The following POTEC variants were observed in gnomAD, a reference collection of about 807,000 sequenced individuals.
POTEC encodes ANKRD26-like family B member 2.
Under a neutral mutation model 62.0 loss-of-function variants are expected in POTEC, and 35 were observed. The observed-to-expected ratio is 0.56, with a 90% CI of 0.43 to 0.75. The LOEUF is 0.75. Ranked by LOEUF, POTEC falls within the 30% of genes least tolerant of loss-of-function variation. POTEC has a pLI of 0.00. For synonymous variants in POTEC, 156 were observed against 221.5 expected, an observed-to-expected ratio of 0.70 and a Z score of 2.62; for missense variants, 472 against 655.9, an observed-to-expected ratio of 0.72 and a Z score of 3.06.
intron 8 of POTEC, 53 bp from the exon 9 acceptor site, chr18:14,522,473 A>G (rs1340627071): frequency 2.7e-6 from 4 of 1,469,040 alleles, no homozygotes; most frequent in Admixed American, 2.6e-5. Context: ...GAATAAAAAT[A>G]ACCTTTTTAA....
chr18:14,543,010 G>A lies in POTEC; in HGVS notation c.137C>T (p.Ser46Phe), dbSNP rs764710530. The A allele has an allele frequency of 1.9e-6, 3 of 1,611,514 alleles. No individual in the cohort carries two copies. The highest frequency in any genetic ancestry group is 2.7e-5 in the African/African-American group (2 of 74,114). The change falls in exon 1 of 11, where the codon TCT becomes TTT. Residue 46 changes from serine (S) to phenylalanine (F), a missense_variant. Ser to Phe is a radical substitution (Grantham distance 155, BLOSUM62 -2). This residue lies in a region of POTEC where 257 missense variants were observed against 250.7 expected (regional missense o/e 1.03). Coordinates refer to ENST00000358970, the MANE Select transcript of POTEC (RefSeq NM_001137671.2). ...KGSGKSNMGT[S>F]GDHDDSFMKM... ...CATAAAGGAGTCGTCGTGGTCTCCA[G>A]AAGTGCCCATGTTGCTCTTGCCGCT...
At position 14,543,354 on chromosome 18, in the gene POTEC, G is replaced by A. The variant is rs1320836370; in HGVS notation, c.-208C>T. The A allele has an allele frequency of 1.8e-5, 16 of 866,950 alleles. No homozygotes were observed. The highest frequency in any genetic ancestry group is 5.2e-6 in the Non-Finnish European group (3 of 572,788). The allele number at this position is 866,950 out of a possible 1,614,324, so 53.7% of individuals were successfully genotyped here. A position where few individuals can be genotyped will look rare whatever the true frequency, so the allele number is the denominator to read the frequency against. ...ACCCGGGGAAAGCCCACGCCCACCA[G>A]GGGGACCCAACGCCCACCCCAGGAA... On this transcript the variant is annotated 5_prime_UTR_variant, in exon 1 of 11. Coordinates refer to ENST00000358970, the MANE Select transcript of POTEC (RefSeq NM_001137671.2).
At position 14,543,125 on chromosome 18, in the gene POTEC, T is replaced by C. The variant is rs1303897831; in HGVS notation, c.22A>G (p.Met8Val). The change falls in exon 1 of 11, where the codon ATG becomes GTG. Residue 8 changes from methionine to valine, a missense_variant. Around this residue, in one of 5 missense-constraint regions of POTEC, gnomAD observed 257 missense variants for 250.7 expected, o/e 1.03. Transcript: ENST00000358970. ...TTCTTCACAGCAGAGGCAGCGGGCA[T>C]TGAACAAACCTCAGTCACCATCTGC... MVTEVCS[M>V]PAASAVKKPF... 3 of 1,613,880 alleles carry C rather than the reference T, an allele frequency of 1.9e-6. No homozygotes were observed. The highest frequency in any genetic ancestry group is 2.7e-5 in the African/African-American group (2 of 75,002).
chr18:14,535,439 C>G (rs1192036161), intron 3 of POTEC, among the ~76,000 whole-genome samples: 2 of 151,980 alleles, frequency 1.3e-5, no homozygotes, highest in Non-Finnish European at 2.9e-5. Flanking sequence ...TACCAAAGTT[C>G]AAGCTCCAAC....
chr18:14,539,281 T>C (rs1567916216), intron 1 of POTEC, among the ~76,000 whole-genome samples: 1 of 152,028 alleles, frequency 6.6e-6, no homozygotes, highest in Admixed American at 6.6e-5. Flanking sequence ...TTTTCAACTT[T>C]TACATTCGGG....
At chr18:14,535,536 A>G (rs1905683608) in intron 3 of POTEC, among the ~76,000 whole-genome samples, 1 of 151,692 alleles carries the variant, frequency 6.6e-6, no homozygotes, top group African/African-American at 2.4e-5. Flanking sequence ...TTTGTATTTA[A>G]TTTTTCCAGA....
At chr18:14,538,429 G>A (rs1905823779) in intron 1 of POTEC, among the ~76,000 whole-genome samples, 180 bp from the exon 2 acceptor site, 1 of 152,176 alleles carries the variant, frequency 6.6e-6, no homozygotes, top group South Asian at 2.1e-4. Context: ...TGAAAGAGCA[G>A]CCTATTTGAA....
At chr18:14,524,501 T>A (rs1477704774) in intron 7 of POTEC, among the ~76,000 whole-genome samples, 3 of 152,152 alleles carry the variant, frequency 2.0e-5, no homozygotes, top group Non-Finnish European at 4.4e-5. Flanking sequence ...AATCCAATAA[T>A]TGATGTTACT....
Position 14,508,693 on chromosome 18 carries a change from T to C in POTEC, c.*3205A>G, listed in dbSNP as rs1321685080. ...TCTTTCACTCAATGAACTTTGTTCC[T>C]ACCCATATCCTGAACTCTGCTTGTA... On this transcript the variant is annotated 3_prime_UTR_variant, in exon 11 of 11. Coordinates refer to ENST00000358970, the MANE Select transcript of POTEC (RefSeq NM_001137671.2). 3 of 152,612 alleles carry C rather than the reference T, an allele frequency of 2.0e-5. 1 individual carries two copies. Among genetic ancestry groups the C allele is most frequent in the Admixed American group, 2.0e-4 (3 of 15,282 alleles). The allele number at this position is 152,612 out of a possible 1,614,324, so 9.5% of individuals were successfully genotyped here.
Position 14,532,688 on chromosome 18 carries a change from C to T in POTEC, c.1055+373G>A, listed in dbSNP as rs571439734. On this transcript the variant is annotated intron_variant, in intron 5 of 10. Coordinates refer to ENST00000358970, the MANE Select transcript of POTEC (RefSeq NM_001137671.2). ...ATTCAAGGAGTATGTAGGAGATAGT[C>T]CCCAGAAGACAGTACAAGACTTTCT... 4.6e-5 allele frequency among the ~76,000 whole-genome samples: 7 copies of T among 152,180 alleles called. No individual in the cohort carries two copies. In the East Asian group the frequency reaches 1.2e-3, roughly 25 times the overall value.
chr18:14,519,258 G>A (rs1386257537), intron 9 of POTEC, among the ~76,000 whole-genome samples: 1 of 152,172 alleles, frequency 6.6e-6, no homozygotes, highest in Non-Finnish European at 1.5e-5. Context: ...TAGCTTTCAG[G>A]AAGGACATCA....
intron 1 of POTEC, among the ~76,000 whole-genome samples, chr18:14,540,875 ATTTATTTATTTATT>A (rs371116464): frequency 0.034 from 5,137 of 150,826 alleles, 322 homozygotes; most frequent in African/African-American, 0.12. Flanking sequence ...ATTCCTCTAT[ATTTATTTATTTATT>A]TTTATTTATT....
At chr18:14,537,594 C>T (rs937893591) in intron 3 of POTEC, among the ~76,000 whole-genome samples, 4 of 151,650 alleles carry the variant, frequency 2.6e-5, no homozygotes, top group Non-Finnish European at 5.9e-5. Flanking sequence ...AAGCATTAAC[C>T]ACAAGTGCAC....
At position 14,543,049 on chromosome 18, in the gene POTEC, G is replaced by C. The variant is rs776395713; in HGVS notation, c.98C>G (p.Pro33Arg). The change falls in exon 1 of 11, where the codon CCC (proline) becomes CGC (arginine). Residue 33 changes from proline to arginine, a missense_variant. By Grantham distance (103) the Pro-to-Arg change is moderately radical (BLOSUM62 -2). This residue lies in a region of POTEC where 257 missense variants were observed against 250.7 expected (regional missense o/e 1.03). Coordinates refer to ENST00000358970, the MANE Select transcript of POTEC (RefSeq NM_001137671.2). ...GCTCTTGCCGCTCCCCTTGCAGCAG[G>C]GGAAGCGGTGGTGAAACCACTTGCC... ...KMGKWFHHRF[P>R]CCKGSGKSNM... The C allele has an allele frequency of 5.0e-6, 8 of 1,605,898 alleles. No individual in the cohort carries two copies. The highest frequency in any genetic ancestry group is 6.8e-6 in the Non-Finnish European group (8 of 1,174,364).
intron 4 of POTEC, among the ~76,000 whole-genome samples, chr18:14,534,464 G>A (rs56387996): frequency 0.4 from 60,447 of 150,252 alleles, 13,341 homozygotes; most frequent in African/African-American, 0.58. Context: ...AAGCAGAGTC[G>A]TTGAAAAGAT....
At position 14,542,859 on chromosome 18, in the gene POTEC, G is replaced by A. The variant is rs774227433; in HGVS notation, c.288C>T (p.Ser96=). Residue 96 remains serine, a synonymous_variant, in exon 1 of 11, where the codon AGC becomes AGT. Transcript: ENST00000358970. ...HDNSFMKTLR[S]KMGKWCCHCF... ...AGTGACAGCACCACTTGCCCATCTT[G>A]CTCCTGAGCGTCTTCATAAAGGAGT... The A allele has an allele frequency of 7.6e-7, 1 of 1,308,180 alleles. No homozygotes were observed. The highest frequency in any genetic ancestry group is 1.1e-6 in the Non-Finnish European group (1 of 937,446). 81.0% of individuals were successfully genotyped at this position (1,308,180 alleles called of 1,614,324 possible).
intron 3 of POTEC, among the ~76,000 whole-genome samples, chr18:14,537,461 A>C (rs1272110167): frequency 6.6e-6 from 1 of 152,022 alleles, no homozygotes; most frequent in Non-Finnish European, 1.5e-5. Flanking sequence ...TTGGAGTTTT[A>C]ATGTAAAACC....
At position 14,543,527 on chromosome 18, in the gene POTEC, C is replaced by T. The variant is rs1369700595; in HGVS notation, c.-381G>A. 3 of 383,760 alleles carry T rather than the reference C, an allele frequency of 7.8e-6. No individual in the cohort carries two copies. Among genetic ancestry groups the T allele is most frequent in the Non-Finnish European group, 1.4e-5 (3 of 209,664 alleles). 23.8% of individuals were successfully genotyped at this position (383,760 alleles called of 1,614,324 possible). Reference sequence around the variant, plus strand: ...ACCAGGCAAAGCGACTAACGCCAAGCCAAGCTAGGAACGCAAGGCCAAGCG... The same window carrying T: ...ACCAGGCAAAGCGACTAACGCCAAGTCAAGCTAGGAACGCAAGGCCAAGCG... On this transcript the variant is annotated 5_prime_UTR_variant, in exon 1 of 11. Transcript: ENST00000358970.
In POTEC at chr18:14,507,915, C is replaced by A. The variant is rs1304985265; in HGVS notation, c.*3983G>T. On this transcript the variant is annotated 3_prime_UTR_variant, in exon 11 of 11. Coordinates refer to ENST00000358970, the MANE Select transcript of POTEC (RefSeq NM_001137671.2). Reference sequence around the variant, plus strand: ...TGTTGAATGTCTTTTCTGGCTTGTACAGTTTCAGTTGAGAGGTCTGCTAAG... The same window carrying A: ...TGTTGAATGTCTTTTCTGGCTTGTAAAGTTTCAGTTGAGAGGTCTGCTAAG... The A allele has an allele frequency of 6.6e-6, 1 of 152,162 alleles. No homozygotes were observed. Among genetic ancestry groups the A allele is most frequent in the East Asian group, 1.9e-4 (1 of 5,188 alleles). The allele number at this position is 152,162 out of a possible 1,614,324, so 9.4% of individuals were successfully genotyped here.
Sources: gnomAD v4.1 joint callset for allele counts (sites outside exome capture counted in the v4.1 genomes callset) on GRCh38, gnomAD v4.1.1 for gene constraint, gnomAD v4.1.1 regional missense constraint, MANE v1.5 for transcripts, NCBI Gene and HGNC (gene_info 2026-07-23, HGNC 2026-07-21) for gene names.